The following ZNF804B variants were observed in gnomAD, a reference collection of about 807,000 sequenced individuals.
ZNF804B encodes zinc finger protein 804B, also known as zinc finger 804B.
ZNF804B carries 80 observed loss-of-function variants against 101.4 expected under a neutral mutation model. The ratio of observed to expected loss-of-function variants is 0.79; its 90% CI spans 0.66 to 0.95. ZNF804B has a LOEUF of 0.95. ZNF804B is among the 40% of genes least tolerant of loss of function. The probability of loss-of-function intolerance (pLI) is 0.00; values close to 1 mark genes in which losing one functional copy is unlikely to be tolerated. For synonymous variants in ZNF804B, 622 were observed against 558.8 expected (o/e 1.11, Z -1.59); for missense variants, 1,673 against 1,561.9 (o/e 1.07, Z -1.20).
intron 1 of ZNF804B, among the ~76,000 whole-genome samples, chr7:88,821,643 C>G (rs2115760680): frequency 6.6e-6 from 1 of 152,120 alleles, no homozygotes; most frequent in South Asian, 2.1e-4. Context: ...GGAGAAATAC[C>G]AAAGTCAAAC....
intron 1 of ZNF804B, among the ~76,000 whole-genome samples, chr7:88,964,867 T>G (rs768039736): frequency 6.6e-6 from 1 of 151,394 alleles, no homozygotes; most frequent in Non-Finnish European, 1.5e-5. Context: ...AAGGAAGTCT[T>G]GCATACAGCA....
chr7:88,957,373 A>G (rs1793326174), intron 1 of ZNF804B, among the ~76,000 whole-genome samples: 1 of 151,426 alleles, frequency 6.6e-6, no homozygotes, highest in Non-Finnish European at 1.5e-5. Context: ...ATGCATACTT[A>G]CTTCAAGGCA....
chr7:88,983,162 G>A (rs1182885629), intron 1 of ZNF804B, among the ~76,000 whole-genome samples: 2 of 152,016 alleles, frequency 1.3e-5, no homozygotes, highest in Non-Finnish European at 2.9e-5. Context: ...TGGATCAAAA[G>A]CCTTACATTC....
chr7:89,032,503 C>T (rs2116233385), intron 1 of ZNF804B, among the ~76,000 whole-genome samples: 1 of 152,064 alleles, frequency 6.6e-6, no homozygotes, highest in Non-Finnish European at 1.5e-5. Context: ...ACTTTCTTTT[C>T]TTCATTTCAG....
chr7:89,156,006 T>TCTCTCTTTC lies in ZNF804B; in HGVS notation c.109-62147_109-62146insCTCTTTCCT, dbSNP rs1562899602. Reference sequence around the variant, plus strand: ...TCCTTCCTTTCCTTCTTTCTTTCTTTCTTTCTCTCTTTCCTTTCTTTCTTT... The same window carrying TCTCTCTTTC: ...TCCTTCCTTTCCTTCTTTCTTTCTTTCTCTCTTTCCTTTCTCTCTTTCCTTTCTTTCTTT... On this transcript the variant is annotated intron_variant, in intron 1 of 3. Transcript: ENST00000333190. Among the ~76,000 whole-genome samples, 60 of 120,904 alleles carry TCTCTCTTTC rather than the reference T, an allele frequency of 5.0e-4. 1 individual carries two copies. Among genetic ancestry groups the TCTCTCTTTC allele is most frequent in the African/African-American group, 1.7e-3 (58 of 34,794 alleles). The allele number at this position is 120,904 out of a possible 152,430, so 79.3% of individuals were successfully genotyped here. A position where few individuals can be genotyped will look rare whatever the true frequency, so the allele number is the denominator to read the frequency against.
intron 1 of ZNF804B, among the ~76,000 whole-genome samples, chr7:89,186,611 CT>C (rs10714696): frequency 0.44 from 65,482 of 149,386 alleles, 14,505 homozygotes; most frequent in Middle Eastern, 0.53. Context: ...TTAAGTGTTA[CT>C]TTTTTTTTTT....
chr7:88,947,966 G>T (rs1028565317), intron 1 of ZNF804B, among the ~76,000 whole-genome samples: 2 of 151,930 alleles, frequency 1.3e-5, no homozygotes, highest in Non-Finnish European at 2.9e-5. Flanking sequence ...AAATTGTGTT[G>T]TAATTTTCTT....
chr7:88,875,606 C>T (rs548864601), intron 1 of ZNF804B, among the ~76,000 whole-genome samples: 10 of 151,906 alleles, frequency 6.6e-5, no homozygotes, highest in African/African-American at 2.4e-4. Flanking sequence ...CAAGACTAAA[C>T]CAGGAAGAAG....
chr7:89,017,475 C>T (rs1788587361), intron 1 of ZNF804B, among the ~76,000 whole-genome samples: 1 of 152,120 alleles, frequency 6.6e-6, no homozygotes, highest in African/African-American at 2.4e-5. Flanking sequence ...CTATGTTTGT[C>T]ATCAGAATTG....
At chr7:88,951,629 C>A (rs376756592) in intron 1 of ZNF804B, among the ~76,000 whole-genome samples, 5 of 151,900 alleles carry the variant, frequency 3.3e-5, no homozygotes, top group African/African-American at 1.2e-4. Context: ...AGTTCAACAT[C>A]TTTATTACAA....
intron 2 of ZNF804B, among the ~76,000 whole-genome samples, chr7:89,282,058 G>A (rs953927409): frequency 7.2e-5 from 11 of 151,784 alleles, no homozygotes; most frequent in African/African-American, 1.9e-4. Flanking sequence ...AAAATTAGCC[G>A]GGCGTGGTGG....
chr7:89,053,309 T>G (rs1789237359), intron 1 of ZNF804B, among the ~76,000 whole-genome samples: 2 of 152,124 alleles, frequency 1.3e-5, no homozygotes, highest in South Asian at 4.1e-4. Flanking sequence ...TTGAGTCTTG[T>G]TGCTGTACTC....
At chr7:88,868,734 A>G (rs1791774205) in intron 1 of ZNF804B, among the ~76,000 whole-genome samples, 1 of 152,246 alleles carries the variant, frequency 6.6e-6, no homozygotes, top group Non-Finnish European at 1.5e-5. Context: ...ATATTGGGTC[A>G]AATTTACAGC....
chr7:88,777,630 G>C lies in ZNF804B; in HGVS notation c.108+17546G>C, dbSNP rs1586898651. ...GGCTAAGGTGGGTGGATCACTTAAG[G>C]TCAGGAATTCGAGATCAGCCTGGCC... On this transcript the variant is annotated intron_variant, in intron 1 of 3. Coordinates refer to ENST00000333190, the MANE Select transcript of ZNF804B (RefSeq NM_181646.5). 2.6e-5 allele frequency among the ~76,000 whole-genome samples: 4 copies of C among 152,142 alleles called. No individual in the cohort carries two copies. The South Asian group carries it at 8.3e-4, about 32-fold the overall frequency.
At chr7:88,760,319 A>G (rs1006651800) in intron 1 of ZNF804B, among the ~76,000 whole-genome samples, 1 of 152,242 alleles carries the variant, frequency 6.6e-6, no homozygotes, top group Admixed American at 6.5e-5. Context: ...TAGGATCTAT[A>G]GTGCTACGGA....
intron 1 of ZNF804B, among the ~76,000 whole-genome samples, chr7:89,212,252 TACACACACACACACACACAC>T (rs67535390): frequency 0.21 from 18,490 of 87,126 alleles, 1,217 homozygotes; most frequent in Middle Eastern, 0.36. Context: ...CATTCAGTGA[TACACACACACACACACACAC>T]ACACACACAC....
intron 2 of ZNF804B, among the ~76,000 whole-genome samples, chr7:89,243,978 C>T (rs1011747057): frequency 2.0e-5 from 3 of 151,938 alleles, no homozygotes; most frequent in Non-Finnish European, 4.4e-5. Context: ...AGCTTTAACA[C>T]ATCCATTATA....
chr7:88,959,082 T>A (rs1210250614), intron 1 of ZNF804B, among the ~76,000 whole-genome samples: 1 of 151,454 alleles, frequency 6.6e-6, no homozygotes, highest in African/African-American at 2.4e-5. Flanking sequence ...TGTGAGCTCT[T>A]ACTCTAGAGG....
At chr7:88,876,060 A>T (rs990123575) in intron 1 of ZNF804B, among the ~76,000 whole-genome samples, 5 of 152,094 alleles carry the variant, frequency 3.3e-5, no homozygotes, top group African/African-American at 1.2e-4. Context: ...AGACAAATCC[A>T]TGATATTTCT....
Sources: allele counts gnomAD v4.1 joint callset (sites outside exome capture counted in the v4.1 genomes callset), GRCh38; gene constraint gnomAD v4.1.1; transcripts MANE v1.5; gene names NCBI Gene and HGNC (gene_info 2026-07-23, HGNC 2026-07-21).